NEBL: variants seen among roughly 807,000 people sequenced by gnomAD.
NEBL encodes the protein LIM and SH3 protein 2.
In NEBL, 122 loss-of-function variants were observed where a neutral mutation model predicts 140.2. The observed-to-expected ratio is 0.87, with a 90% CI of 0.75 to 1.01. The LOEUF (loss-of-function observed/expected upper bound fraction) is 1.01, where lower values mean the gene tolerates loss of function less well. Ranked by LOEUF, NEBL falls within the 50% of genes least tolerant of loss-of-function variation. The pLI, the probability that NEBL is intolerant of heterozygous loss-of-function variation, is 0.00. For synonymous variants in NEBL, 436 were observed against 398.9 expected (o/e 1.09, Z -1.11); for missense variants, 1,365 against 1,231.3 (o/e 1.11, Z -1.62).
chr10:20,971,298 G>T (rs932347782), intron 3 of NEBL, among the ~76,000 whole-genome samples: 1 of 151,982 alleles, frequency 6.6e-6, no homozygotes, highest in Non-Finnish European at 1.5e-5. Flanking sequence ...TTTTCACTAA[G>T]AATTTCACTA....
chr10:20,929,970 C>T (rs1295686790), intron 4 of NEBL, among the ~76,000 whole-genome samples: 1 of 152,046 alleles, frequency 6.6e-6, no homozygotes, highest in African/African-American at 2.4e-5. Context: ...TGGTACTGGG[C>T]CACTTCTCAT....
upstream of NEBL, among the ~76,000 whole-genome samples, chr10:21,177,479 A>G (rs908007410): frequency 2.0e-5 from 3 of 152,222 alleles, no homozygotes; most frequent in Non-Finnish European, 2.9e-5. Context: ...CACTTCATCA[A>G]CAACAAGAAA....
chr10:21,087,962 C>T (rs1564506607), intron 2 of NEBL, among the ~76,000 whole-genome samples: 1 of 152,166 alleles, frequency 6.6e-6, no homozygotes. Context: ...ACCGAAAATG[C>T]CACCACACTA....
Position 20,889,958 on chromosome 10 carries a change from G to C in NEBL, c.154-9C>G. ...TCTTCTTTATAACGGATCTAAAAAA[G>C]AGAATGATTTACATAAGAAGAGAAA... On this transcript the variant is annotated splice_polypyrimidine_tract_variant and intron_variant, in intron 2 of 27. Transcript: ENST00000377122. 2 of 1,527,968 alleles carry C rather than the reference G, an allele frequency of 1.3e-6. No individual in the cohort carries two copies. The highest frequency in any genetic ancestry group is 1.8e-6 in the Non-Finnish European group (2 of 1,105,502). 94.7% of individuals were successfully genotyped at this position (1,527,968 alleles called of 1,614,324 possible).
intron 11 of NEBL, among the ~76,000 whole-genome samples, chr10:20,846,385 A>T (rs1210642372): frequency 6.6e-6 from 1 of 152,194 alleles, no homozygotes; most frequent in East Asian, 1.9e-4. Context: ...AGGTAATTTT[A>T]TAAATAAAGA....
intron 2 of NEBL, among the ~76,000 whole-genome samples, chr10:21,039,400 G>T (rs757623060): frequency 3.9e-5 from 6 of 152,154 alleles, no homozygotes; most frequent in Non-Finnish European, 5.9e-5. Flanking sequence ...GTTAATATTT[G>T]TATAAGGTGT....
chr10:20,790,953 A>G (rs1440554003), intron 26 of NEBL, among the ~76,000 whole-genome samples: 1 of 152,250 alleles, frequency 6.6e-6, no homozygotes, highest in East Asian at 1.9e-4. Context: ...GTAAAAGCAT[A>G]GTGCCCTGTT....
intron 2 of NEBL, among the ~76,000 whole-genome samples, chr10:21,070,655 A>G (rs1835777159): frequency 6.6e-6 from 1 of 152,126 alleles, no homozygotes; most frequent in African/African-American, 2.4e-5. Context: ...TGAACATTAA[A>G]TCTTCTATGT....
intron 3 of NEBL, among the ~76,000 whole-genome samples, chr10:21,210,489 A>G (rs1318555765): frequency 6.6e-6 from 1 of 152,250 alleles, no homozygotes; most frequent in Non-Finnish European, 1.5e-5. Flanking sequence ...ATCTCATTAT[A>G]CAAATATGCA....
At chr10:21,272,989 C>T (rs1329705096) in intron 1 of NEBL, among the ~76,000 whole-genome samples, 1 of 152,112 alleles carries the variant, frequency 6.6e-6, no homozygotes, top group Non-Finnish European at 1.5e-5. Context: ...TCTGCCACCC[C>T]GCCCCAACCA....
At chr10:20,796,460 T>C (rs180834654) in intron 26 of NEBL, among the ~76,000 whole-genome samples, 3 of 151,140 alleles carry the variant, frequency 2.0e-5, no homozygotes, top group African/African-American at 7.3e-5. Flanking sequence ...ACAACATTAG[T>C]TGTATTTTTA....
At chr10:21,011,521 T>C (rs1347983725) in intron 3 of NEBL, among the ~76,000 whole-genome samples, 5 of 152,182 alleles carry the variant, frequency 3.3e-5, no homozygotes, top group Non-Finnish European at 7.4e-5. Context: ...CTGGAGTGTG[T>C]GAATGAAGGA....
chr10:21,170,623 G>A (rs1452714725), intron 2 of NEBL: 1 of 152,630 alleles, frequency 6.6e-6, no homozygotes, highest in African/African-American at 2.4e-5. Context: ...ACATCAGAAA[G>A]TTTGGGGAAT....
chr10:20,899,425 T>C, upstream of NEBL: 1 of 1,303,860 alleles, frequency 7.7e-7, no homozygotes, highest in Non-Finnish European at 1.0e-6. Flanking sequence ...CATCACGTAA[T>C]ATGTTCTTAG....
chr10:21,270,339 A>G (rs578193514), intron 1 of NEBL, among the ~76,000 whole-genome samples: 2 of 151,578 alleles, frequency 1.3e-5, no homozygotes, highest in South Asian at 4.2e-4. Context: ...AACTCTTATA[A>G]TCTGATAGAG....
At chr10:20,999,011 G>A (rs1054798236) in intron 3 of NEBL, among the ~76,000 whole-genome samples, 4 of 152,164 alleles carry the variant, frequency 2.6e-5, no homozygotes, top group Admixed American at 6.5e-5. Flanking sequence ...CCTGGAGTCA[G>A]AGCCAGTAAA....
intron 1 of NEBL, among the ~76,000 whole-genome samples, chr10:21,251,995 C>T (rs1161373990): frequency 6.6e-6 from 1 of 152,190 alleles, no homozygotes; most frequent in African/African-American, 2.4e-5. Flanking sequence ...TCCCAGGATG[C>T]CAGTCCAAGG....
rs538491589 is a variant in NEBL, at chr10:21,243,869, T to C, written n.348+4052A>G. ...TTTATTCCCAGGTCCAAATACACTT[T>C]TGAGCAAAAAAAGAAAGAGAGAGAG... On this transcript the variant is annotated intron_variant and non_coding_transcript_variant, in intron 3 of 8. Coordinates refer to the NEBL transcript ENST00000675702. Among the ~76,000 whole-genome samples the C allele has an allele frequency of 6.8e-5, 10 of 147,390 alleles. 2 individuals are homozygous for C. The highest frequency in any genetic ancestry group is 2.3e-4 in the African/African-American group (9 of 39,714).
chr10:21,262,690 C>G (rs1165658437), intron 1 of NEBL, among the ~76,000 whole-genome samples: 2 of 152,168 alleles, frequency 1.3e-5, no homozygotes, highest in African/African-American at 4.8e-5. Flanking sequence ...AGGCTTGTGT[C>G]TGAGCACATT....
Sources: allele counts gnomAD v4.1 joint callset (sites outside exome capture counted in the v4.1 genomes callset), GRCh38; gene constraint gnomAD v4.1.1; transcripts MANE v1.5; gene names NCBI Gene and HGNC (gene_info 2026-07-23, HGNC 2026-07-21).